Variants in HIVEP3 observed in about 807,000 individuals in gnomAD.
HIVEP3 encodes the protein transcription factor HIVEP3.
In HIVEP3, 49 loss-of-function variants were observed where a neutral mutation model predicts 152.8. The observed-to-expected ratio is 0.32, with a 90% CI of 0.26 to 0.41. The LOEUF (loss-of-function observed/expected upper bound fraction) is 0.41. Ranked by LOEUF, HIVEP3 falls within the 10% of genes least tolerant of loss-of-function variation. The probability of loss-of-function intolerance (pLI) is 1.00; values close to 1 mark genes in which losing one functional copy is unlikely to be tolerated. For missense variants in HIVEP3, 2,790 were observed against 3,103.3 expected (o/e 0.90, Z 2.40); for synonymous variants, 1,269 against 1,289.0 (o/e 0.98, Z 0.33).
intron 1 of HIVEP3, among the ~76,000 whole-genome samples, chr1:41,859,912 G>A (rs776640148): frequency 3.3e-5 from 5 of 152,180 alleles, no homozygotes; most frequent in Non-Finnish European, 4.4e-5. Flanking sequence ...ACTCCCTACC[G>A]CTGGGAAGGG....
chr1:41,723,894 A>G (rs574700845), intron 1 of HIVEP3, among the ~76,000 whole-genome samples: 2 of 152,302 alleles, frequency 1.3e-5, no homozygotes, highest in Non-Finnish European at 2.9e-5. Context: ...TAACTAGATC[A>G]TGGTAAGGAA....
chr1:41,882,706 T>C (rs1048579385), intron 1 of HIVEP3, among the ~76,000 whole-genome samples: 1 of 152,056 alleles, frequency 6.6e-6, no homozygotes, highest in Non-Finnish European at 1.5e-5. Flanking sequence ...CCTGGGCACA[T>C]AACAAGCACT....
intron 1 of HIVEP3, among the ~76,000 whole-genome samples, chr1:41,836,787 C>A (rs1643136159): frequency 6.6e-6 from 1 of 152,230 alleles, no homozygotes; most frequent in African/African-American, 2.4e-5. Context: ...GTCTAAACCC[C>A]TAGTGAGTCT....
intron 1 of HIVEP3, among the ~76,000 whole-genome samples, chr1:41,781,261 G>A (rs557432737): frequency 6.6e-6 from 1 of 152,324 alleles, no homozygotes; most frequent in South Asian, 2.1e-4. Context: ...GGTGGGGAAA[G>A]TTATCATTGT....
At chr1:42,014,290 C>T (rs1645509018) in intron 1 of HIVEP3, among the ~76,000 whole-genome samples, 1 of 151,966 alleles carries the variant, frequency 6.6e-6, no homozygotes, top group Non-Finnish European at 1.5e-5. Flanking sequence ...AGGATGTTCA[C>T]ATCACAGAGA....
chr1:41,898,509 C>T (rs969295083), intron 1 of HIVEP3, among the ~76,000 whole-genome samples: 19 of 152,228 alleles, frequency 1.2e-4, no homozygotes, highest in African/African-American at 4.3e-4. Flanking sequence ...ACCTCCCTGT[C>T]CTGGCTCAGG....
At chr1:41,523,610 A>G (rs1642821803) in intron 6 of HIVEP3, among the ~76,000 whole-genome samples, 2 of 152,164 alleles carry the variant, frequency 1.3e-5, no homozygotes, top group African/African-American at 2.4e-5. Context: ...AAGCAGCAAG[A>G]GCACGGAGGA....
At chr1:41,878,078 A>T (rs1253872044) in intron 1 of HIVEP3, among the ~76,000 whole-genome samples, 2 of 152,128 alleles carry the variant, frequency 1.3e-5, no homozygotes, top group Admixed American at 6.5e-5. Context: ...TAATTTTACA[A>T]CTCCTACAAA....
chr1:41,657,690 A>G (rs1285792871), intron 2 of HIVEP3, among the ~76,000 whole-genome samples: 1 of 152,264 alleles, frequency 6.6e-6, no homozygotes, highest in Non-Finnish European at 1.5e-5. Flanking sequence ...AAGTGTGAGC[A>G]TTCCCACATC....
rs774178064 is a variant in HIVEP3, at chr1:41,583,143, G to T, written c.1655C>A (p.Thr552Asn). The T allele has an allele frequency of 8.1e-6, 13 of 1,613,044 alleles. No homozygotes were observed. The highest frequency in any genetic ancestry group is 3.3e-5 in the Admixed American group (2 of 59,960). Reference protein sequence around the residue: ...SMPSAACTISTPHHPFRGSYS... With the variant: ...SMPSAACTISNPHHPFRGSYS... The stretch of plus-strand genomic sequence containing the variant: ...GCTACCTCGGAAGGGGTGGTGGGGG[G>T]TGCTGATAGTGCAGGCGGCAGAAGG... The change falls in exon 4 of 9, where the codon ACC becomes AAC. Residue 552 changes from threonine to asparagine, a missense_variant. Physicochemically the swap from Thr to Asn is moderately conservative, Grantham distance 65. Around this residue, in one of 9 missense-constraint regions of HIVEP3, gnomAD observed 339 missense variants for 327.0 expected, o/e 1.04. Transcript: ENST00000372583. The surrounding 1 kb of genome is among the most constrained non-coding windows in gnomAD (Gnocchi z 6.9).
At chr1:41,578,617 C>T (rs1234214684) in intron 4 of HIVEP3, among the ~76,000 whole-genome samples, 1 of 152,204 alleles carries the variant, frequency 6.6e-6, no homozygotes, top group Non-Finnish European at 1.5e-5. Flanking sequence ...GGTCTGAAGA[C>T]ACACTAATAA....
chr1:41,966,512 C>A (rs1645199100), intron 1 of HIVEP3, among the ~76,000 whole-genome samples: 1 of 95,098 alleles, frequency 1.1e-5, no homozygotes, highest in Non-Finnish European at 2.0e-5. Flanking sequence ...CTCGCTCTTT[C>A]ACCCAGGCCA....
At chr1:41,921,402 T>C (rs1006458695), upstream of HIVEP3, among the ~76,000 whole-genome samples, 6 of 152,168 alleles carry the variant, frequency 3.9e-5, no homozygotes, top group African/African-American at 1.4e-4. Flanking sequence ...CTTGTGATAG[T>C]GAATAAGTCT....
chr1:41,787,547 T>TC (rs948170788), intron 1 of HIVEP3, among the ~76,000 whole-genome samples: 1 of 151,032 alleles, frequency 6.6e-6, no homozygotes, highest in Non-Finnish European at 1.5e-5. Flanking sequence ...TTTTTTTTTT[T>TC]TTTTTTAATG....
At position 41,511,257 on chromosome 1, in the gene HIVEP3, C is replaced by T. The variant is rs148581312; in HGVS notation, c.6415G>A (p.Glu2139Lys). The T allele has an allele frequency of 4.4e-4, 709 of 1,602,634 alleles. 6 individuals carry two copies. The African/African-American group carries it at 7.6e-3, about 17-fold the overall frequency. Residue 2139 changes from glutamate to lysine, a missense_variant, in exon 9 of 9, where the codon GAG (glutamate) becomes AAG (lysine). Physicochemically the swap from Glu to Lys is moderately conservative, Grantham distance 56. Coordinates refer to ENST00000372583, the MANE Select transcript of HIVEP3 (RefSeq NM_024503.5). The surrounding 1 kb of genome is among the most constrained non-coding windows in gnomAD (Gnocchi z 4.9). ...GGTGAGCAGGAGGGACTTCGGGACT[C>T]GGCCTTCTGCTGGGGTCAGAAAACA... Reference protein sequence around the residue: ...ETCASPWQKAESRSPSCSPGP... With the variant: ...ETCASPWQKAKSRSPSCSPGP...
chr1:41,909,632 T>A (rs1392358041), intron 1 of HIVEP3, among the ~76,000 whole-genome samples: 1 of 152,082 alleles, frequency 6.6e-6, no homozygotes, highest in Admixed American at 6.5e-5. Flanking sequence ...CTTGATCTGA[T>A]AGAGTTACAT....
intron 1 of HIVEP3, among the ~76,000 whole-genome samples, chr1:41,716,069 A>G (rs1331237531): frequency 1.3e-5 from 2 of 152,204 alleles, no homozygotes; most frequent in African/African-American, 2.4e-5. Context: ...AGCACACTCC[A>G]TGTGGAGGAA....
At chr1:41,544,515 G>A (rs1413589407) in intron 5 of HIVEP3, among the ~76,000 whole-genome samples, 1 of 151,450 alleles carries the variant, frequency 6.6e-6, no homozygotes, top group African/African-American at 2.4e-5. Context: ...AACTGGACAG[G>A]GAGGGGGATG....
chr1:41,782,530 A>C (rs1649105207), intron 1 of HIVEP3, among the ~76,000 whole-genome samples: 1 of 152,104 alleles, frequency 6.6e-6, no homozygotes, highest in African/African-American at 2.4e-5. Context: ...TCAGGAGTTC[A>C]AGACAAGCCT....
Sources: allele counts gnomAD v4.1 joint callset (sites outside exome capture counted in the v4.1 genomes callset), GRCh38; gene constraint gnomAD v4.1.1; regional missense constraint gnomAD v4.1.1; non-coding constraint Gnocchi (gnomAD v3.1); transcripts MANE v1.5; gene names NCBI Gene and HGNC (gene_info 2026-07-23, HGNC 2026-07-21).